The following FMN2 variants were observed in gnomAD, a reference collection of about 807,000 sequenced individuals.
FMN2 encodes the protein formin 2, also known as formin-2.
In FMN2, 51 loss-of-function variants were observed where a neutral mutation model predicts 142.3. The observed-to-expected ratio is 0.36, with a 90% CI of 0.29 to 0.45. The LOEUF is 0.45. Ranked by LOEUF, FMN2 falls within the 20% of genes least tolerant of loss-of-function variation. The probability of loss-of-function intolerance (pLI) is 1.00; values close to 1 mark genes in which losing one functional copy is unlikely to be tolerated. For synonymous variants in FMN2, 882 were observed against 869.8 expected (o/e 1.01, Z -0.25); for missense variants, 1,936 against 2,122.8 (o/e 0.91, Z 1.73).
intron 2 of FMN2, chr1:240,170,369 A>C: frequency 8.4e-7 from 1 of 1,186,184 alleles, no homozygotes; most frequent in Non-Finnish European, 1.3e-6. Flanking sequence ...ATCTTGGGAC[A>C]TGAAGGTGCT....
intron 8 of FMN2, among the ~76,000 whole-genome samples, chr1:240,310,020 TA>T (rs1229195185): frequency 6.6e-6 from 1 of 152,212 alleles, no homozygotes; most frequent in East Asian, 1.9e-4. Context: ...CATGTTGGTG[TA>T]ATGGTAATTA....
chr1:240,455,695 G>C (rs567157444), intron 16 of FMN2, among the ~76,000 whole-genome samples: 29 of 152,136 alleles, frequency 1.9e-4, no homozygotes, highest in African/African-American at 6.7e-4. Flanking sequence ...ATAATAATAG[G>C]CTGGGCTTGG....
intron 2 of FMN2, among the ~76,000 whole-genome samples, chr1:240,153,408 A>T (rs1663870595): frequency 7.8e-6 from 1 of 129,016 alleles, no homozygotes. Context: ...TTTTTTTGAC[A>T]GGCTTGCAGT....
At chr1:240,347,979 C>A (rs1671965445) in intron 13 of FMN2, among the ~76,000 whole-genome samples, 1 of 152,094 alleles carries the variant, frequency 6.6e-6, no homozygotes, top group Admixed American at 6.6e-5. Flanking sequence ...CATGTTTTTG[C>A]TATTCTGACT....
intron 14 of FMN2, 34 bp from the exon 15 acceptor site, chr1:240,392,477 T>C: frequency 6.3e-7 from 1 of 1,584,724 alleles, no homozygotes; most frequent in Non-Finnish European, 8.6e-7. Context: ...ACTTATCATT[T>C]ATCTCATGTA....
intron 6 of FMN2, among the ~76,000 whole-genome samples, chr1:240,217,213 C>A (rs918478652): frequency 1.3e-5 from 2 of 152,140 alleles, no homozygotes; most frequent in African/African-American, 4.8e-5. Flanking sequence ...ATCTTTGCTG[C>A]AGTTTTATTT....
At chr1:240,249,739 G>A (rs1668215242) in intron 6 of FMN2, among the ~76,000 whole-genome samples, 1 of 152,106 alleles carries the variant, frequency 6.6e-6, no homozygotes, top group South Asian at 2.1e-4. Flanking sequence ...CATGAGCATG[G>A]AATGTCTATT....
chr1:240,387,261 T>A (rs1261942231), intron 14 of FMN2, among the ~76,000 whole-genome samples: 1 of 152,256 alleles, frequency 6.6e-6, no homozygotes, highest in East Asian at 1.9e-4. Flanking sequence ...TTCAGTAGAC[T>A]CTATCTCGGA....
intron 6 of FMN2, among the ~76,000 whole-genome samples, chr1:240,224,854 T>C (rs1667243746): frequency 6.6e-6 from 1 of 152,144 alleles, no homozygotes; most frequent in Non-Finnish European, 1.5e-5. Flanking sequence ...TAGCAATGTG[T>C]AAGAAAACAA....
chr1:240,141,325 A>T (rs1005657402), intron 2 of FMN2, among the ~76,000 whole-genome samples: 1 of 151,406 alleles, frequency 6.6e-6, no homozygotes, highest in Non-Finnish European at 1.5e-5. Context: ...ATCTGCATGA[A>T]AAATAACAGG....
chr1:240,219,222 C>A (rs1667015521), intron 6 of FMN2, among the ~76,000 whole-genome samples: 1 of 152,114 alleles, frequency 6.6e-6, no homozygotes, highest in Non-Finnish European at 1.5e-5. Flanking sequence ...GTTTGTCATA[C>A]TAGAAATAAG....
chr1:240,201,542 A>C (rs6686068), intron 4 of FMN2, among the ~76,000 whole-genome samples: 94,365 of 151,962 alleles, frequency 0.62, 29,530 homozygotes, highest in Middle Eastern at 0.73. Flanking sequence ...CTCAAATACT[A>C]CAAAAAAGGA....
At chr1:240,285,899 T>C (rs1669573353) in intron 7 of FMN2, among the ~76,000 whole-genome samples, 1 of 151,920 alleles carries the variant, frequency 6.6e-6, no homozygotes, top group South Asian at 2.1e-4. Context: ...TATTTTTTTT[T>C]CCTTTTTTTC....
Position 240,335,274 on chromosome 1 carries a change from T to G in FMN2, c.4765+1045T>G, listed in dbSNP as rs143293938. ...AGAGGGCTGAAATTCTGTCATTACA[T>G]GTACCCTGTTGGAGCCTTACAAGTT... On this transcript the variant is annotated intron_variant, in intron 13 of 17. Transcript: ENST00000319653. Among the ~76,000 whole-genome samples, 4 of 152,330 alleles carry G rather than the reference T, an allele frequency of 2.6e-5. No homozygotes were observed. The East Asian group carries it at 5.8e-4, about 22-fold the overall frequency.
At chr1:240,198,396 T>C (rs1158210452) in intron 4 of FMN2, among the ~76,000 whole-genome samples, 3 of 152,230 alleles carry the variant, frequency 2.0e-5, no homozygotes, top group East Asian at 1.9e-4. Flanking sequence ...CAGCCAAGTA[T>C]GATTTCTAAC....
chr1:240,191,543 T>C (rs1400092188), intron 4 of FMN2, among the ~76,000 whole-genome samples: 1 of 152,264 alleles, frequency 6.6e-6, no homozygotes, highest in Non-Finnish European at 1.5e-5. Flanking sequence ...TGAAGAATTA[T>C]GTCATAAAAC....
chr1:240,363,654 T>A (rs1416091761), intron 14 of FMN2, among the ~76,000 whole-genome samples: 1 of 152,156 alleles, frequency 6.6e-6, no homozygotes, highest in Non-Finnish European at 1.5e-5. Flanking sequence ...TTTACCCTCT[T>A]TTCATTCTGT....
chr1:240,298,749 C>T (rs1670081622), intron 8 of FMN2, among the ~76,000 whole-genome samples: 3 of 152,082 alleles, frequency 2.0e-5, no homozygotes. Context: ...CCCCATAATG[C>T]CAGGTCTGTG....
At chr1:240,351,267 C>T (rs1215561387) in intron 13 of FMN2, among the ~76,000 whole-genome samples, 1 of 152,160 alleles carries the variant, frequency 6.6e-6, no homozygotes. Context: ...GATATTTACT[C>T]AGTATACAGT....
Sources: gnomAD v4.1 joint callset for allele counts (sites outside exome capture counted in the v4.1 genomes callset) on GRCh38, gnomAD v4.1.1 for gene constraint, MANE v1.5 for transcripts, NCBI Gene and HGNC (gene_info 2026-07-23, HGNC 2026-07-21) for gene names.